Variants in SLC6A11 observed in about 807,000 individuals in gnomAD.
SLC6A11 encodes sodium- and chloride-dependent GABA transporter 3.
A neutral mutation model predicts 74.8 loss-of-function variants in SLC6A11; 25 were observed. That is an observed-to-expected ratio of 0.33 (90% CI 0.24 to 0.47). SLC6A11 has a LOEUF of 0.47. SLC6A11 is among the 20% of genes least tolerant of loss of function. SLC6A11 has a pLI of 1.00. For synonymous variants in SLC6A11, 330 were observed against 330.2 expected, an observed-to-expected ratio of 1.00 and a Z score of 0.01; for missense variants, 574 against 837.0, an observed-to-expected ratio of 0.69 and a Z score of 3.88.
intron 4 of SLC6A11, among the ~76,000 whole-genome samples, chr3:10,838,856 G>A (rs1186216311): frequency 1.3e-5 from 2 of 152,224 alleles, no homozygotes; most frequent in African/African-American, 4.8e-5. Context: ...CATGAGGACT[G>A]AATGAAGCGA....
At chr3:10,928,931 A>C (rs940910942) in intron 9 of SLC6A11, among the ~76,000 whole-genome samples, 5 of 152,202 alleles carry the variant, frequency 3.3e-5, no homozygotes, top group Non-Finnish European at 5.9e-5. Context: ...GTCTGGAGAC[A>C]CCAGCTCAAG....
rs990765064 is a variant in SLC6A11, at chr3:10,926,177, C to A, written c.1233+61C>A. ...GGGGAGCCTGGGCCAGGAGGCCAGA[C>A]GCCACCCTTAGGAGTGGCTCCCCAG... On this transcript the variant is annotated intron_variant, in intron 9 of 13. Transcript: ENST00000254488. This position sits in a 1 kb window ranked among gnomAD's most constrained non-coding sequence, Gnocchi z 5.7. The A allele has an allele frequency of 6.9e-6, 8 of 1,151,936 alleles. No individual in the cohort carries two copies. Among genetic ancestry groups the A allele is most frequent in the South Asian group, 1.3e-5 (1 of 75,532 alleles). The allele number at this position is 1,151,936 out of a possible 1,614,324, so 71.4% of individuals were successfully genotyped here.
chr3:10,871,868 C>T (rs192398994), intron 5 of SLC6A11, among the ~76,000 whole-genome samples: 61 of 152,258 alleles, frequency 4.0e-4, no homozygotes, highest in African/African-American at 1.3e-3. Context: ...GTGCAGGGGC[C>T]ATGAGTGGGC....
intron 5 of SLC6A11, among the ~76,000 whole-genome samples, chr3:10,871,864 G>C (rs570567516): frequency 8.5e-5 from 13 of 152,160 alleles, no homozygotes; most frequent in Non-Finnish European, 1.8e-4. Flanking sequence ...GGTGGTGCAG[G>C]GGCCATGAGT....
chr3:10,897,856 G>A (rs1393954733), intron 6 of SLC6A11, among the ~76,000 whole-genome samples: 1 of 152,218 alleles, frequency 6.6e-6, no homozygotes, highest in East Asian at 1.9e-4. Context: ...TGCCTTAGCA[G>A]AGGTTCTCCA....
intron 6 of SLC6A11, among the ~76,000 whole-genome samples, chr3:10,876,562 C>T (rs192213147): frequency 1.4e-4 from 21 of 152,142 alleles, no homozygotes; most frequent in Admixed American, 9.2e-4. Flanking sequence ...GCTGATCATC[C>T]GAATACCTTG....
intron 6 of SLC6A11, among the ~76,000 whole-genome samples, chr3:10,885,601 A>T (rs1298651228): frequency 7.2e-6 from 1 of 138,312 alleles, no homozygotes; most frequent in African/African-American, 3.2e-5. Flanking sequence ...CCATGATAAA[A>T]AAAAAAAAAA....
Position 10,816,844 on chromosome 3 carries a change from C to G in SLC6A11, c.256+323C>G, listed in dbSNP as rs987661726. 6.6e-6 allele frequency among the ~76,000 whole-genome samples: 1 copy of G among 152,212 alleles called. No individual in the cohort carries two copies. Among genetic ancestry groups the G allele is most frequent in the African/African-American group, 2.4e-5 (1 of 41,460 alleles). On this transcript the variant is annotated intron_variant, in intron 1 of 13. Transcript: ENST00000254488. This position sits in a 1 kb window ranked among gnomAD's most constrained non-coding sequence, Gnocchi z 4.2. ...CGCCCTGGTGTTTCGGGCACTTGGC[C>G]CCTTGGAGCCTCAGCTTTCCTAACT...
At chr3:10,883,540 C>G (rs764390112) in intron 6 of SLC6A11, among the ~76,000 whole-genome samples, 3 of 152,178 alleles carry the variant, frequency 2.0e-5, no homozygotes, top group Non-Finnish European at 2.9e-5. Context: ...GGCGTCCAAA[C>G]TCTGGAGCTG....
intron 3 of SLC6A11, among the ~76,000 whole-genome samples, chr3:10,820,736 A>C (rs1694127799): frequency 6.6e-6 from 1 of 152,252 alleles, no homozygotes; most frequent in Middle Eastern, 3.4e-3. Context: ...AGACATCGCT[A>C]ATCAATTGTA....
intron 10 of SLC6A11, among the ~76,000 whole-genome samples, chr3:10,929,716 C>A (rs562603321): frequency 6.6e-6 from 1 of 152,180 alleles, no homozygotes; most frequent in Non-Finnish European, 1.5e-5. Flanking sequence ...AGTGGTCTCA[C>A]GTTCAAAGCA....
chr3:10,936,318 G>T (rs1315573847), intron 13 of SLC6A11, among the ~76,000 whole-genome samples: 1 of 152,214 alleles, frequency 6.6e-6, no homozygotes, highest in Admixed American at 6.5e-5. Context: ...AGAGACTCCG[G>T]CTTGTGTGGT....
chr3:10,864,570 T>G (rs561921460), intron 5 of SLC6A11, among the ~76,000 whole-genome samples: 1 of 152,198 alleles, frequency 6.6e-6, no homozygotes, highest in South Asian at 2.1e-4. Context: ...GTTGGGTGTG[T>G]CTGTGATGGT....
At position 10,844,302 on chromosome 3, in the gene SLC6A11, A is replaced by G. The variant is rs747540325; in HGVS notation, c.712A>G (p.Ile238Val). 1.2e-6 allele frequency: 2 copies of G among 1,614,064 alleles called. No homozygotes were observed. Among genetic ancestry groups the G allele is most frequent in the African/African-American group, 2.7e-5 (2 of 74,918 alleles). ...CTTGTGTCTCTTGGCAGCCTGGACC[A>G]TCTGTTACTTCTGTATCTGGAAGGG... Reference protein sequence around the residue: ...LALCLLAAWTICYFCIWKGTK... With the variant: ...LALCLLAAWTVCYFCIWKGTK... Residue 238 changes from isoleucine (I) to valine (V), a missense_variant, in exon 5 of 14, where the codon ATC becomes GTC. Ile to Val is a conservative substitution (Grantham distance 29). Transcript: ENST00000254488.
At chr3:10,892,589 A>G (rs1047558294) in intron 6 of SLC6A11, among the ~76,000 whole-genome samples, 1 of 132,556 alleles carries the variant, frequency 7.5e-6, no homozygotes, top group East Asian at 2.2e-4. Flanking sequence ...TTTTTTTGCT[A>G]TCAGTAATCC....
chr3:10,921,281 G>A (rs193167578), intron 8 of SLC6A11, among the ~76,000 whole-genome samples: 4 of 152,254 alleles, frequency 2.6e-5, no homozygotes, highest in African/African-American at 9.6e-5. Flanking sequence ...TGGAGTATGT[G>A]GTCCACTTGT....
chr3:10,929,599 T>TG (rs1277521286), intron 10 of SLC6A11, among the ~76,000 whole-genome samples: 1 of 152,192 alleles, frequency 6.6e-6, no homozygotes, highest in East Asian at 1.9e-4. Context: ...AGGGGAACGC[T>TG]GGGTTGATCT....
In SLC6A11 at chr3:10,854,209, G is replaced by A. The variant is rs573126198; in HGVS notation, c.756+9863G>A. ...TCAGGACCAGCCTAGCCAACATGGC[G>A]AAACCCCGTCTCTACTAAAAATACA... On this transcript the variant is annotated intron_variant, in intron 5 of 13. Transcript: ENST00000254488. Among the ~76,000 whole-genome samples, 11 of 152,142 alleles carry A rather than the reference G, an allele frequency of 7.2e-5. No homozygotes were observed. The East Asian group carries it at 9.7e-4, about 13-fold the overall frequency.
intron 8 of SLC6A11, among the ~76,000 whole-genome samples, chr3:10,921,733 G>A (rs1025110597): frequency 3.3e-5 from 5 of 152,004 alleles, no homozygotes; most frequent in Non-Finnish European, 7.4e-5. Context: ...ACTATAACAT[G>A]TCTAAAAGAG....
Sources: allele counts gnomAD v4.1 joint callset (sites outside exome capture counted in the v4.1 genomes callset), GRCh38; gene constraint gnomAD v4.1.1; non-coding constraint Gnocchi (gnomAD v3.1); transcripts MANE v1.5; gene names NCBI Gene and HGNC (gene_info 2026-07-23, HGNC 2026-07-21).